The following CACNA2D3 variants were observed in gnomAD, a reference collection of about 807,000 sequenced individuals.
CACNA2D3 encodes the protein voltage-dependent calcium channel subunit alpha-2/delta-3.
CACNA2D3 carries 60 observed loss-of-function variants against 160.6 expected under a neutral mutation model. The observed-to-expected ratio is 0.37, with a 90% CI of 0.30 to 0.46. The LOEUF (loss-of-function observed/expected upper bound fraction) is 0.46, where lower values mean the gene tolerates loss of function less well. Among genes scored for constraint, CACNA2D3 ranks in the 20% least tolerant of loss-of-function variants. CACNA2D3 has a pLI of 1.00. For synonymous variants in CACNA2D3, 558 were observed against 492.9 expected, an observed-to-expected ratio of 1.13 and a Z score of -1.75; for missense variants, 1,205 against 1,365.0, an observed-to-expected ratio of 0.88 and a Z score of 1.85.
intron 2 of CACNA2D3, among the ~76,000 whole-genome samples, chr3:54,167,937 T>G (rs1308246774): frequency 6.6e-6 from 1 of 152,246 alleles, no homozygotes; most frequent in Non-Finnish European, 1.5e-5. Context: ...TTTGCTTTTC[T>G]TCTCCATGAA....
intron 5 of CACNA2D3, among the ~76,000 whole-genome samples, chr3:54,558,037 G>C (rs1702266305): frequency 6.6e-6 from 1 of 152,198 alleles, no homozygotes. Flanking sequence ...GATGTCCTGG[G>C]GCTGCCGCTG....
At chr3:54,388,143 C>T (rs531062696) in intron 4 of CACNA2D3, among the ~76,000 whole-genome samples, 2 of 152,328 alleles carry the variant, frequency 1.3e-5, no homozygotes, top group East Asian at 1.9e-4. Context: ...GCAATGGTGG[C>T]ATACCCCAGA....
intron 2 of CACNA2D3, among the ~76,000 whole-genome samples, chr3:54,306,732 C>T (rs1435637496): frequency 6.6e-6 from 1 of 152,202 alleles, no homozygotes; most frequent in African/African-American, 2.4e-5. Flanking sequence ...TGATTGGAGG[C>T]TGAGTGTGTG....
At chr3:54,172,272 C>A (rs1700588196) in intron 2 of CACNA2D3, among the ~76,000 whole-genome samples, 2 of 152,212 alleles carry the variant, frequency 1.3e-5, no homozygotes, top group African/African-American at 4.8e-5. Context: ...TCATATTAGG[C>A]CTGTGCACTT....
At chr3:54,344,990 C>T (rs116564139) in intron 3 of CACNA2D3, among the ~76,000 whole-genome samples, 4,682 of 152,264 alleles carry the variant, frequency 0.031, 256 homozygotes, top group African/African-American at 0.11. Context: ...CCACCATGAG[C>T]GCCATGACAG....
chr3:54,895,004 T>C (rs1700156020), intron 25 of CACNA2D3, among the ~76,000 whole-genome samples: 1 of 151,968 alleles, frequency 6.6e-6, no homozygotes, highest in Non-Finnish European at 1.5e-5. Context: ...AAAATTTTTC[T>C]TTTAAACACT....
intron 11 of CACNA2D3, among the ~76,000 whole-genome samples, chr3:54,649,384 G>A (rs1057284112): frequency 6.6e-6 from 1 of 152,220 alleles, no homozygotes; most frequent in Admixed American, 6.5e-5. Context: ...GTGGTAACAG[G>A]GAACAAACAC....
At chr3:54,867,904 C>T (rs751991256) in intron 17 of CACNA2D3, among the ~76,000 whole-genome samples, 24 of 152,220 alleles carry the variant, frequency 1.6e-4, no homozygotes, top group East Asian at 5.8e-4. Context: ...CCCCACTGAT[C>T]AGGCCACATG....
chr3:54,701,009 G>T (rs1423691356), intron 11 of CACNA2D3, among the ~76,000 whole-genome samples: 1 of 152,182 alleles, frequency 6.6e-6, no homozygotes, highest in Non-Finnish European at 1.5e-5. Context: ...TAAAAGCACA[G>T]GCTGCAGAAT....
chr3:54,642,610 G>A (rs1699547411), intron 11 of CACNA2D3, among the ~76,000 whole-genome samples: 1 of 152,004 alleles, frequency 6.6e-6, no homozygotes, highest in Non-Finnish European at 1.5e-5. Flanking sequence ...AGCCCTGCAG[G>A]CCTCTCCTTT....
At chr3:54,368,520 G>C (rs148498295) in intron 3 of CACNA2D3, among the ~76,000 whole-genome samples, 1 of 151,876 alleles carries the variant, frequency 6.6e-6, no homozygotes. Flanking sequence ...GGAGGAGAGA[G>C]AGTGAGTGAG....
chr3:54,664,240 G>A (rs934362122), intron 11 of CACNA2D3, among the ~76,000 whole-genome samples: 1 of 152,216 alleles, frequency 6.6e-6, no homozygotes, highest in African/African-American at 2.4e-5. Context: ...TGCACAACAA[G>A]GCCAGTGGTG....
At chr3:54,954,205 G>A (rs1295803838) in intron 27 of CACNA2D3, among the ~76,000 whole-genome samples, 1 of 152,150 alleles carries the variant, frequency 6.6e-6, no homozygotes, top group Non-Finnish European at 1.5e-5. Context: ...CCAGGCACAG[G>A]TCAGTGCTAT....
chr3:54,151,781 T>C (rs1184679887), intron 2 of CACNA2D3, among the ~76,000 whole-genome samples: 1 of 152,208 alleles, frequency 6.6e-6, no homozygotes, highest in African/African-American at 2.4e-5. Context: ...TCAGGTGTCA[T>C]ACACAAAGCT....
chr3:54,417,752 AG>A (rs935322603), intron 4 of CACNA2D3, among the ~76,000 whole-genome samples: 1 of 120,716 alleles, frequency 8.3e-6, no homozygotes, highest in African/African-American at 3.2e-5. Flanking sequence ...TTTAGATGAC[AG>A]GGGTTCATGT....
At chr3:54,190,464 AC>A (rs1325419209) in intron 2 of CACNA2D3, among the ~76,000 whole-genome samples, 1 of 152,230 alleles carries the variant, frequency 6.6e-6, no homozygotes, top group African/African-American at 2.4e-5. Flanking sequence ...TCACCCTGCC[AC>A]CAGCACACAC....
rs900416243 is a variant in CACNA2D3 at position 54,813,594 on chromosome 3, C to G, written c.1381-3259C>G. The stretch of plus-strand genomic sequence containing the variant: ...CAAGGCAGTTACCCCGATTATCTTT[C>G]CCTGGCATCAACTCTGGGCATATCC... On this transcript the variant is annotated intron_variant, in intron 13 of 37. Coordinates refer to ENST00000474759, the MANE Select transcript of CACNA2D3 (RefSeq NM_018398.3). Among the ~76,000 whole-genome samples, 3 of 152,204 alleles carry G rather than the reference C, an allele frequency of 2.0e-5. No homozygotes were observed. The East Asian group carries it at 5.8e-4, about 30-fold the overall frequency.
chr3:54,155,203 G>C (rs1212222808), intron 2 of CACNA2D3, among the ~76,000 whole-genome samples: 1 of 152,206 alleles, frequency 6.6e-6, no homozygotes, highest in Non-Finnish European at 1.5e-5. Flanking sequence ...GCTAGGCTAT[G>C]CTGTGGTAGT....
chr3:54,189,307 C>T (rs1700938882), intron 2 of CACNA2D3, among the ~76,000 whole-genome samples: 1 of 152,150 alleles, frequency 6.6e-6, no homozygotes, highest in Non-Finnish European at 1.5e-5. Context: ...CTCACTGATA[C>T]TGTGTGTGGC....
Sources: allele counts gnomAD v4.1 joint callset (sites outside exome capture counted in the v4.1 genomes callset), GRCh38; gene constraint gnomAD v4.1.1; transcripts MANE v1.5; gene names NCBI Gene and HGNC (gene_info 2026-07-23, HGNC 2026-07-21).